Variants in ABCC5 observed in about 807,000 individuals in gnomAD.
ABCC5 encodes the protein ATP binding cassette subfamily C member 5, also known as ATP-binding cassette sub-family C member 5.
A neutral mutation model predicts 160.9 loss-of-function variants in ABCC5; 61 were observed. That is an observed-to-expected ratio of 0.38 (90% CI 0.31 to 0.47). The LOEUF (loss-of-function observed/expected upper bound fraction) is 0.47, where lower values mean the gene tolerates loss of function less well. Among genes scored for constraint, ABCC5 ranks in the 20% least tolerant of loss-of-function variants. The pLI is 0.99. For synonymous variants in ABCC5, 666 were observed against 700.6 expected (o/e 0.95, Z 0.78); for missense variants, 1,308 against 1,813.3 (o/e 0.72, Z 5.06).
At chr3:183,984,605 A>C in intron 5 of ABCC5, 3 of 1,388,524 alleles carry the variant, frequency 2.2e-6, no homozygotes, top group Non-Finnish European at 2.8e-6. Context: ...CCAGGAAATA[A>C]CCTGATCAAA....
intron 24 of ABCC5, among the ~76,000 whole-genome samples, 188 bp downstream of exon 24, chr3:183,945,662 A>G (rs1229517635): frequency 6.6e-6 from 1 of 152,198 alleles, no homozygotes; most frequent in Non-Finnish European, 1.5e-5. Context: ...TAATTTACAA[A>G]TATACTTAGA....
chr3:184,016,246 C>T (rs1295413356), intron 1 of ABCC5, among the ~76,000 whole-genome samples: 1 of 152,094 alleles, frequency 6.6e-6, no homozygotes, highest in Non-Finnish European at 1.5e-5. Context: ...CTAAACTATC[C>T]TAAGGGACTA....
At chr3:183,967,395 T>C (rs4148580) in intron 12 of ABCC5, 40,031 of 343,282 alleles carry the variant, frequency 0.12, 2,989 homozygotes, top group East Asian at 0.33. Context: ...ACATTTTCAA[T>C]ACACGGGCAT....
chr3:183,935,805 A>G (rs1713658291), intron 26 of ABCC5, among the ~76,000 whole-genome samples: 1 of 152,204 alleles, frequency 6.6e-6, no homozygotes, highest in Non-Finnish European at 1.5e-5. Context: ...CCTGACCAAT[A>G]AATTCTAATT....
Position 183,942,767 on chromosome 3 carries a change from T to C in ABCC5, c.3654A>G (p.Lys1218=). 1 of 1,614,136 alleles carries C rather than the reference T, an allele frequency of 6.2e-7. No individual in the cohort carries two copies. The highest frequency in any genetic ancestry group is 1.3e-5 in the African/African-American group (1 of 75,038). The part of the protein sequence containing the change: ...LVLKKVSFTI[K]PKEKIGIVGR... ...CCACAATGCCAATCTTCTCTTTAGG[T>C]TTGATCGTGAAGGATACTTTCTTTA... is the stretch of plus-strand genomic sequence containing the variant. Residue 1218 remains lysine (K), a synonymous_variant, in exon 25 of 30, where the codon AAA becomes AAG. Coordinates refer to ENST00000334444, the MANE Select transcript of ABCC5 (RefSeq NM_005688.4).
chr3:184,014,201 T>C, intron 2 of ABCC5, 63 bp downstream of exon 2: 1 of 1,504,862 alleles, frequency 6.6e-7, no homozygotes, highest in Non-Finnish European at 9.1e-7. Context: ...TTACCCATTA[T>C]ACGAAAAAAG....
intron 26 of ABCC5, among the ~76,000 whole-genome samples, chr3:183,932,570 C>T (rs916364852): frequency 5.3e-5 from 8 of 152,162 alleles, no homozygotes; most frequent in African/African-American, 1.4e-4. Context: ...TAGAGCCAGC[C>T]GGCCAGCCTG....
At chr3:184,013,764 C>G (rs867216793) in intron 2 of ABCC5, among the ~76,000 whole-genome samples, 2 of 152,128 alleles carry the variant, frequency 1.3e-5, no homozygotes, top group Non-Finnish European at 2.9e-5. Context: ...CAGAACAGAC[C>G]GGGTGAGAGG....
intron 25 of ABCC5, among the ~76,000 whole-genome samples, chr3:183,941,921 C>T (rs191360220): frequency 1.3e-3 from 204 of 151,656 alleles, no homozygotes; most frequent in South Asian, 3.3e-3. Context: ...TTACAGTGAG[C>T]TGAGATCGTG....
intron 29 of ABCC5, among the ~76,000 whole-genome samples, chr3:183,922,027 C>T (rs1577438090): frequency 6.8e-6 from 1 of 146,302 alleles, no homozygotes; most frequent in East Asian, 2.1e-4. Context: ...CGAGACTCTG[C>T]CTCAAAATAA....
At position 183,963,083 on chromosome 3, in the gene ABCC5, T is replaced by G. The variant is rs1420280499; in HGVS notation, c.2235+302A>C. ...AACAGTTCCCACTTGCATAGAGATG[T>G]TAACACAATGCTTTCCAAACTATCT... On this transcript the variant is annotated intron_variant, in intron 15 of 29. Transcript: ENST00000334444. The surrounding 1 kb of genome is among the most constrained non-coding windows in gnomAD (Gnocchi z 4.6). Among the ~76,000 whole-genome samples the G allele has an allele frequency of 6.6e-6, 1 of 152,188 alleles. No individual in the cohort carries two copies. Among genetic ancestry groups the G allele is most frequent in the Non-Finnish European group, 1.5e-5 (1 of 68,024 alleles).
chr3:183,972,419 T>C (rs1191086925), intron 10 of ABCC5, among the ~76,000 whole-genome samples: 6 of 152,180 alleles, frequency 3.9e-5, no homozygotes, highest in African/African-American at 1.2e-4. Context: ...CTTACATTGC[T>C]ACCGTCAGAA....
intron 22 of ABCC5, among the ~76,000 whole-genome samples, chr3:183,947,910 TTC>T (rs562141879): frequency 8.5e-5 from 13 of 152,056 alleles, no homozygotes; most frequent in Admixed American, 5.2e-4. Context: ...GCAGAAATGG[TTC>T]AAGGCGAGGA....
chr3:183,956,502 C>A (rs1401935993), intron 17 of ABCC5, among the ~76,000 whole-genome samples: 1 of 149,640 alleles, frequency 6.7e-6, no homozygotes, highest in Non-Finnish European at 1.5e-5. Flanking sequence ...ACATGCGGAT[C>A]CGTGTGTATA....
chr3:184,009,341 T>C (rs534138897), intron 2 of ABCC5, among the ~76,000 whole-genome samples: 72 of 152,324 alleles, frequency 4.7e-4, no homozygotes, highest in African/African-American at 1.7e-3. Context: ...GGAGATCCTG[T>C]CCCAGATTTC....
chr3:183,925,083 G>C (rs976458659), intron 29 of ABCC5, among the ~76,000 whole-genome samples: 9 of 152,232 alleles, frequency 5.9e-5, no homozygotes, highest in Non-Finnish European at 1.2e-4. Flanking sequence ...AAGAAGTTTG[G>C]TGCCGCTGCG....
At position 183,940,255 on chromosome 3, in the gene ABCC5, T is replaced by C. The variant is rs189762866; in HGVS notation, c.3695-2195A>G. ...GTTCACACCTGTAATCCCAGCACTT[T>C]GGGAGGCCAAGGTGGGTGGATTACT... On this transcript the variant is annotated intron_variant, in intron 25 of 29. Transcript: ENST00000334444. Among the ~76,000 whole-genome samples the C allele has an allele frequency of 1.0e-3, 156 of 150,646 alleles. No homozygotes were observed. The East Asian group carries it at 0.03, about 29-fold the overall frequency.
intron 2 of ABCC5, among the ~76,000 whole-genome samples, chr3:183,992,025 T>G (rs959932789): frequency 1.1e-4 from 16 of 152,174 alleles, no homozygotes; most frequent in African/African-American, 3.9e-4. Flanking sequence ...CTGAAAAATG[T>G]CACTTCAAAT....
At chr3:184,013,891 G>T (rs1238680430) in intron 2 of ABCC5, among the ~76,000 whole-genome samples, 2 of 150,938 alleles carry the variant, frequency 1.3e-5, no homozygotes, top group Non-Finnish European at 3.0e-5. Flanking sequence ...ATTTTTTTTT[G>T]AGACTGAGTC....
Sources: allele counts gnomAD v4.1 joint callset (sites outside exome capture counted in the v4.1 genomes callset), GRCh38; gene constraint gnomAD v4.1.1; non-coding constraint Gnocchi (gnomAD v3.1); transcripts MANE v1.5; gene names NCBI Gene and HGNC (gene_info 2026-07-23, HGNC 2026-07-21).